Variants in TAFA5 observed in about 807,000 individuals in gnomAD.
The protein encoded by TAFA5 is chemokine-like protein TAFA-5.
TAFA5 carries 6 observed loss-of-function variants against 15.3 expected under a neutral mutation model. That is an observed-to-expected ratio of 0.39 (90% CI 0.21 to 0.77). The LOEUF (loss-of-function observed/expected upper bound fraction) is 0.77, where lower values mean the gene tolerates loss of function less well. TAFA5 is among the 30% of genes least tolerant of loss of function. TAFA5 has a pLI of 0.41. For missense variants in TAFA5, 161 were observed against 193.1 expected (o/e 0.83, Z 0.98); for synonymous variants, 103 against 80.7 (o/e 1.28, Z -1.48).
chr22:48,608,626 C>T (rs1227824741), intron 1 of TAFA5, among the ~76,000 whole-genome samples: 3 of 152,194 alleles, frequency 2.0e-5, no homozygotes, highest in Non-Finnish European at 2.9e-5. Flanking sequence ...ATGGTGGAAG[C>T]ATTTTAGAGA....
chr22:48,556,893 G>A (rs539903084), intron 1 of TAFA5, among the ~76,000 whole-genome samples: 45 of 152,324 alleles, frequency 3.0e-4, no homozygotes, highest in African/African-American at 8.9e-4. Flanking sequence ...GCACCCTGCC[G>A]TCCACAGTGG....
chr22:48,686,089 G>A (rs1004227243), intron 2 of TAFA5, among the ~76,000 whole-genome samples: 1 of 152,176 alleles, frequency 6.6e-6, no homozygotes, highest in Admixed American at 6.5e-5. Flanking sequence ...CAGCACAGGT[G>A]GCCAAGGTCA....
intron 1 of TAFA5, among the ~76,000 whole-genome samples, chr22:48,632,644 C>A (rs1211486952): frequency 6.6e-6 from 1 of 152,202 alleles, no homozygotes; most frequent in African/African-American, 2.4e-5. Flanking sequence ...GGGAAGCCCC[C>A]TCTGGAGGCC....
intron 2 of TAFA5, among the ~76,000 whole-genome samples, chr22:48,697,833 T>C (rs1928766264): frequency 6.6e-6 from 1 of 151,236 alleles, no homozygotes; most frequent in South Asian, 2.1e-4. Flanking sequence ...GTGATGTTGG[T>C]GATAGTGAGG....
At chr22:48,615,103 C>T (rs1032616106) in intron 1 of TAFA5, among the ~76,000 whole-genome samples, 4 of 152,200 alleles carry the variant, frequency 2.6e-5, no homozygotes, top group South Asian at 2.1e-4. Context: ...TTTCCCAGGA[C>T]GCCCCTTCAG....
At chr22:48,698,967 A>G (rs1437358135) in intron 2 of TAFA5, among the ~76,000 whole-genome samples, 1 of 139,426 alleles carries the variant, frequency 7.2e-6, no homozygotes, top group Admixed American at 7.3e-5. Context: ...GGCGCGACCA[A>G]GGCTCACTCT....
chr22:48,583,336 AC>A (rs1924168344), intron 1 of TAFA5, among the ~76,000 whole-genome samples: 1 of 142,244 alleles, frequency 7.0e-6, no homozygotes, highest in Admixed American at 7.1e-5. Context: ...AAATACGCAC[AC>A]CAGTGCACAC....
intron 3 of TAFA5, among the ~76,000 whole-genome samples, chr22:48,723,218 C>A (rs188794482): frequency 9.9e-4 from 151 of 152,336 alleles, no homozygotes; most frequent in Admixed American, 1.8e-3. Flanking sequence ...CCAGCCACCC[C>A]CTTCCAAATG....
At chr22:48,605,114 G>A (rs1925111272) in intron 1 of TAFA5, among the ~76,000 whole-genome samples, 1 of 128,134 alleles carries the variant, frequency 7.8e-6, no homozygotes, top group Admixed American at 8.2e-5. Context: ...TAAGGAAGAG[G>A]TGGAGGACTG....
intron 3 of TAFA5, among the ~76,000 whole-genome samples, chr22:48,712,481 G>GT (rs895459091): frequency 2.0e-5 from 3 of 152,258 alleles, no homozygotes; most frequent in African/African-American, 7.2e-5. Flanking sequence ...GAACATCTGT[G>GT]TCAGGAGGGT....
At chr22:48,502,035 C>G (rs890592874) in intron 1 of TAFA5, among the ~76,000 whole-genome samples, 15 of 152,244 alleles carry the variant, frequency 9.9e-5, no homozygotes, top group African/African-American at 3.6e-4. Context: ...TGTGGGTTCT[C>G]CCAATGTCAT....
intron 1 of TAFA5, among the ~76,000 whole-genome samples, chr22:48,622,753 C>G (rs1004606840): frequency 7.2e-5 from 11 of 152,244 alleles, no homozygotes; most frequent in Admixed American, 7.2e-4. Flanking sequence ...ACGCTGCAGG[C>G]TCAGCTTGTG....
At chr22:48,662,516 C>T (rs1302036549) in intron 2 of TAFA5, among the ~76,000 whole-genome samples, 1 of 151,812 alleles carries the variant, frequency 6.6e-6, no homozygotes, top group African/African-American at 2.4e-5. Context: ...CGGTGGGGCT[C>T]CAGTAGAGGT....
intron 2 of TAFA5, among the ~76,000 whole-genome samples, chr22:48,682,571 G>A (rs917554199): frequency 6.6e-6 from 1 of 152,232 alleles, no homozygotes; most frequent in Non-Finnish European, 1.5e-5. Flanking sequence ...GAAAGCAGAA[G>A]ACCCTGACGT....
intron 1 of TAFA5, among the ~76,000 whole-genome samples, chr22:48,642,014 C>T (rs1260342029): frequency 1.3e-5 from 2 of 152,238 alleles, no homozygotes; most frequent in East Asian, 3.9e-4. Flanking sequence ...GGGGGGCAGC[C>T]TGCTGGCATC....
intron 1 of TAFA5, among the ~76,000 whole-genome samples, chr22:48,577,623 C>T (rs138612340): frequency 6.6e-6 from 1 of 152,242 alleles, no homozygotes; most frequent in Non-Finnish European, 1.5e-5. Context: ...CAACATTCAG[C>T]TGCTTTCCTG....
chr22:48,651,399 A>G lies in TAFA5; in HGVS notation c.262+4653A>G, dbSNP rs111866208. ...AGGTCTGGGGAGGCTGTGCCCAGGA[A>G]GGGGCAGGGCCAGAGGGCCTGGAGG... On this transcript the variant is annotated intron_variant, in intron 2 of 3. Transcript: ENST00000402357. Among the ~76,000 whole-genome samples the G allele has an allele frequency of 4.6e-3, 702 of 152,330 alleles. 10 individuals carry two copies. The highest frequency in any genetic ancestry group is 0.016 in the African/African-American group (680 of 41,588).
At chr22:48,711,847 C>T (rs1929263946) in intron 3 of TAFA5, among the ~76,000 whole-genome samples, 1 of 152,210 alleles carries the variant, frequency 6.6e-6, no homozygotes, top group South Asian at 2.1e-4. Context: ...TCCCCCGTCA[C>T]TCCTCAACCC....
intron 3 of TAFA5, among the ~76,000 whole-genome samples, chr22:48,715,321 AG>A (rs1432236932): frequency 6.6e-6 from 1 of 152,248 alleles, no homozygotes; most frequent in African/African-American, 2.4e-5. Flanking sequence ...AAGAAGCCAA[AG>A]GAAGAGGAGC....
Sources: gnomAD v4.1 joint callset for allele counts (sites outside exome capture counted in the v4.1 genomes callset) on GRCh38, gnomAD v4.1.1 for gene constraint, MANE v1.5 for transcripts, NCBI Gene and HGNC (gene_info 2026-07-23, HGNC 2026-07-21) for gene names.